BTN3A1: variants seen among roughly 807,000 people sequenced by gnomAD.
BTN3A1 encodes the protein butyrophilin subfamily 3 member A1.
BTN3A1 carries 24 observed loss-of-function variants against 43.0 expected under a neutral mutation model. That is an observed-to-expected ratio of 0.56 (90% CI 0.40 to 0.78). The LOEUF is 0.78. Ranked by LOEUF, BTN3A1 falls within the 30% of genes least tolerant of loss-of-function variation. The pLI, the probability that BTN3A1 is intolerant of heterozygous loss-of-function variation, is 0.00. For missense variants in BTN3A1, 533 were observed against 626.2 expected (o/e 0.85, Z 1.59); for synonymous variants, 181 against 234.7 (o/e 0.77, Z 2.09).
At chr6:26,405,865 C>A (rs1201224346) in intron 2 of BTN3A1, 44 bp from the exon 3 acceptor site, 3 of 1,613,022 alleles carry the variant, frequency 1.9e-6, no homozygotes, top group Non-Finnish European at 2.5e-6. Context: ...CTCATGACCC[C>A]AACTCCAAAA....
At chr6:26,403,668 C>T (rs1761921830) in intron 1 of BTN3A1, among the ~76,000 whole-genome samples, 1 of 151,782 alleles carries the variant, frequency 6.6e-6, no homozygotes, top group African/African-American at 2.4e-5. Context: ...TATATGACTA[C>T]TACTATAGAT....
rs1762145695 is a variant in BTN3A1, at chr6:26,409,764, C to T, written c.916+31C>T. On this transcript the variant is annotated intron_variant, in intron 5 of 9. Coordinates refer to ENST00000289361, the MANE Select transcript of BTN3A1 (RefSeq NM_007048.6). ...TGACCTTGGGAGTTTATCTGAGCCCCTGGCTTACGGGCCAAAGCCCAAAGA... is the reference window on the plus strand; with the variant it reads ...TGACCTTGGGAGTTTATCTGAGCCCTTGGCTTACGGGCCAAAGCCCAAAGA... The T allele has an allele frequency of 1.9e-6, 3 of 1,580,400 alleles. No individual in the cohort carries two copies. The South Asian group carries it at 3.5e-5, about 18-fold the overall frequency.
In BTN3A1 at chr6:26,402,339, A is replaced by C. The variant is rs908226856; in HGVS notation, c.-266A>C. 6.6e-6 allele frequency: 1 copy of C among 152,236 alleles called. No individual in the cohort carries two copies. Among genetic ancestry groups the C allele is most frequent in the Non-Finnish European group, 1.5e-5 (1 of 68,044 alleles). 9.4% of individuals were successfully genotyped at this position (152,236 alleles called of 1,614,324 possible). On this transcript the variant is annotated 5_prime_UTR_variant, in exon 1 of 10. Transcript: ENST00000289361. The stretch of plus-strand genomic sequence containing the variant: ...CTTTCTTCCAGAAGGAGATTTAACC[A>C]TAGTAGAAAGAATGGAGAACTATTA...
chr6:26,410,724 A>G (rs1307093850), intron 7 of BTN3A1, among the ~76,000 whole-genome samples: 3 of 150,450 alleles, frequency 2.0e-5, no homozygotes, highest in Admixed American at 1.3e-4. Context: ...CACACATTTA[A>G]ATATATATAT....
Position 26,405,503 on chromosome 6 carries a change from G to A in BTN3A1, c.-61G>A, listed in dbSNP as rs963333249. 1 of 1,495,146 alleles carries A rather than the reference G, an allele frequency of 6.7e-7. No individual in the cohort carries two copies. The highest frequency in any genetic ancestry group is 2.3e-5 in the East Asian group (1 of 44,290). The allele number at this position is 1,495,146 out of a possible 1,614,324, so 92.6% of individuals were successfully genotyped here. ...GGAGGTTTCCATTTGGAATTCTATA[G>A]CTTCTTCCAGGTCATAGTGTCTGCC... On this transcript the variant is annotated 5_prime_UTR_variant, in exon 2 of 10. Transcript: ENST00000289361.
intron 7 of BTN3A1, among the ~76,000 whole-genome samples, chr6:26,410,817 G>A (rs1470339643): frequency 6.7e-6 from 1 of 149,418 alleles, no homozygotes; most frequent in Non-Finnish European, 1.5e-5. Context: ...ATATAGACAT[G>A]GAGACACCTA....
Position 26,413,587 on chromosome 6 carries a change from A to G in BTN3A1, c.1437A>G (p.Gly479=). 6.2e-7 allele frequency: 1 copy of G among 1,614,156 alleles called. No individual in the cohort carries two copies. The highest frequency in any genetic ancestry group is 1.1e-5 in the South Asian group (1 of 91,082). Residue 479 remains glycine (G), a synonymous_variant, in exon 10 of 10, where the codon GGA becomes GGG. Coordinates refer to ENST00000289361, the MANE Select transcript of BTN3A1 (RefSeq NM_007048.6). ...TCTCATTCTACAATGCTGTGGATGGATCGCATATTCATACTTTCCTGGACG... is the reference window on the plus strand; with the variant it reads ...TCTCATTCTACAATGCTGTGGATGGGTCGCATATTCATACTTTCCTGGACG... ...GDISFYNAVD[G]SHIHTFLDVS... is the part of the protein sequence containing the mutation.
chr6:26,406,853 C>T (rs12208447), intron 3 of BTN3A1, among the ~76,000 whole-genome samples: 1,582 of 152,260 alleles, frequency 0.01, 14 homozygotes, highest in Non-Finnish European at 0.017. Flanking sequence ...TAGACTTTGG[C>T]CTCTGCTCTG....
At chr6:26,408,012 G>A (rs1027618310) in intron 4 of BTN3A1, 60 bp downstream of exon 4, 14 of 1,596,636 alleles carry the variant, frequency 8.8e-6, no homozygotes, top group South Asian at 1.1e-5. Flanking sequence ...AATGAAGGGG[G>A]AGGTGTTAGT....
intron 2 of BTN3A1, 78 bp from the exon 3 acceptor site, chr6:26,405,831 C>G: frequency 6.2e-7 from 1 of 1,610,856 alleles, no homozygotes; most frequent in African/African-American, 1.3e-5. Flanking sequence ...ATCTCGCCTT[C>G]CCTGTCTGAG....
At chr6:26,413,047 A>T in intron 9 of BTN3A1, 122 bp from the exon 10 acceptor site, 1 of 1,513,358 alleles carries the variant, frequency 6.6e-7, no homozygotes, top group Non-Finnish European at 8.8e-7. Flanking sequence ...CATTTAGGGC[A>T]GACTAGGGAC....
rs991364685 is a variant in BTN3A1 at position 26,414,523 on chromosome 6, C to T, written c.*831C>T. 1.3e-5 allele frequency: 2 copies of T among 152,226 alleles called. No homozygotes were observed. Among genetic ancestry groups the T allele is most frequent in the African/African-American group, 4.8e-5 (2 of 41,424 alleles). The allele number at this position is 152,226 out of a possible 1,614,324, so 9.4% of individuals were successfully genotyped here. Reference sequence around the variant, plus strand: ...ATTTGGAAAGAGACTAGAGGCCACACTTGATAAATCATGGGGAACAGATGT... The same window carrying T: ...ATTTGGAAAGAGACTAGAGGCCACATTTGATAAATCATGGGGAACAGATGT... On this transcript the variant is annotated 3_prime_UTR_variant, in exon 10 of 10. Transcript: ENST00000289361.
At chr6:26,411,386 A>G (rs1288977768) in intron 8 of BTN3A1, among the ~76,000 whole-genome samples, 169 bp from the exon 9 acceptor site, 2 of 152,104 alleles carry the variant, frequency 1.3e-5, no homozygotes, top group African/African-American at 2.4e-5. Flanking sequence ...AGAGCTCACC[A>G]TTTTTGAGAA....
Position 26,405,534 on chromosome 6 carries a change from C to G in BTN3A1, c.-30C>G. On this transcript the variant is annotated 5_prime_UTR_variant, in exon 2 of 10. Coordinates refer to ENST00000289361, the MANE Select transcript of BTN3A1 (RefSeq NM_007048.6). Reference sequence around the variant, plus strand: ...TCCAGGTCATAGTGTCTGCCCCCCACCTTCCAGTATCTCCTGATATGCAGC... The same window carrying G: ...TCCAGGTCATAGTGTCTGCCCCCCAGCTTCCAGTATCTCCTGATATGCAGC... The G allele has an allele frequency of 2.5e-6, 4 of 1,605,750 alleles. No individual in the cohort carries two copies. The highest frequency in any genetic ancestry group is 3.4e-6 in the Non-Finnish European group (4 of 1,172,466).
rs531138964 is a variant in BTN3A1 at position 26,407,988 on chromosome 6, G to A, written c.715+36G>A. The stretch of plus-strand genomic sequence containing the variant: ...GCTTGGCCTCAGGTTTTCTGAGCTG[G>A]GCTGTGGCAGTTGAATGAAGGGGGA... On this transcript the variant is annotated intron_variant, in intron 4 of 9. Coordinates refer to ENST00000289361, the MANE Select transcript of BTN3A1 (RefSeq NM_007048.6). The A allele has an allele frequency of 8.7e-6, 14 of 1,607,560 alleles. No homozygotes were observed. The Admixed American group carries it at 1.3e-4, about 15-fold the overall frequency.
chr6:26,411,186 T>G (rs1461958838), intron 8 of BTN3A1, 51 bp downstream of exon 8: 1 of 1,580,590 alleles, frequency 6.3e-7, no homozygotes, highest in Non-Finnish European at 8.6e-7. Context: ...GCCATGAACA[T>G]TTCAACCTTT....
intron 3 of BTN3A1, among the ~76,000 whole-genome samples, chr6:26,407,278 G>A (rs58370928): frequency 2.0e-5 from 3 of 152,176 alleles, no homozygotes; most frequent in African/African-American, 4.8e-5. Flanking sequence ...TGTAGCAGAC[G>A]ATGAAGGGAG....
chr6:26,413,091 C>T, intron 9 of BTN3A1, 78 bp from the exon 10 acceptor site: 1 of 1,551,820 alleles, frequency 6.4e-7, no homozygotes, highest in Non-Finnish European at 8.7e-7. Flanking sequence ...CTCAGCATGG[C>T]CCAGGCCTTG....
intron 9 of BTN3A1, chr6:26,412,914 C>T (rs1762268027): frequency 1.6e-5 from 23 of 1,477,676 alleles, no homozygotes; most frequent in East Asian, 2.5e-5. Flanking sequence ...TTCCTGAGGC[C>T]GCGTCAGGGT....
Sources: gnomAD v4.1 joint callset for allele counts (sites outside exome capture counted in the v4.1 genomes callset) on GRCh38, gnomAD v4.1.1 for gene constraint, MANE v1.5 for transcripts, NCBI Gene and HGNC (gene_info 2026-07-23, HGNC 2026-07-21) for gene names.